Variants in NUTM2E observed in about 807,000 individuals in gnomAD.
NUTM2E encodes the protein NUT family member 2E.
Under a neutral mutation model 26.1 loss-of-function variants are expected in NUTM2E, and 3 were observed. That is an observed-to-expected ratio of 0.12 (90% confidence interval 0.05 to 0.30). The LOEUF (loss-of-function observed/expected upper bound fraction) is 0.30. NUTM2E is among the 10% of genes least tolerant of loss of function. The pLI is 1.00. For missense variants in NUTM2E, 62 were observed against 381.3 expected (o/e 0.16, Z 6.97); for synonymous variants, 13 against 157.5 (o/e 0.08, Z 6.87).
In NUTM2E at chr10:79,830,288, C is replaced by T. The variant is rs187945193; in HGVS notation, c.-2728+2931C>T. Among the ~76,000 whole-genome samples the T allele has an allele frequency of 1.0e-3, 156 of 151,748 alleles. 1 individual carries two copies. Among genetic ancestry groups the T allele is most frequent in the African/African-American group, 3.6e-3 (148 of 41,452 alleles). On this transcript the variant is annotated intron_variant, in intron 1 of 9. Transcript: ENST00000429984. ...AGATTCTATTATGTCAAAAGACATG[C>T]ATCTGGATGGTTAAAAAAATCCAAT...
chr10:79,837,086 G>T (rs1380504083), intron 1 of NUTM2E, among the ~76,000 whole-genome samples: 1 of 151,936 alleles, frequency 6.6e-6, no homozygotes, highest in Non-Finnish European at 1.5e-5. Flanking sequence ...CTTCACTGCT[G>T]CGAGGGAGAT....
chr10:79,834,011 C>T (rs1841944808), intron 1 of NUTM2E, among the ~76,000 whole-genome samples: 1 of 151,884 alleles, frequency 6.6e-6, no homozygotes, highest in Non-Finnish European at 1.5e-5. Flanking sequence ...CACATATACA[C>T]TGTGGAATGC....
intron 1 of NUTM2E, among the ~76,000 whole-genome samples, chr10:79,833,431 C>T (rs1841939215): frequency 6.6e-6 from 1 of 150,678 alleles, no homozygotes; most frequent in African/African-American, 2.4e-5. Context: ...AGGCAACCTA[C>T]AGAACGGGAA....
At chr10:79,834,806 CAG>C (rs1180265523) in intron 1 of NUTM2E, among the ~76,000 whole-genome samples, 1 of 120,284 alleles carries the variant, frequency 8.3e-6, no homozygotes, top group African/African-American at 3.0e-5. Flanking sequence ...GTTTTTATGA[CAG>C]AATACCTACA....
At chr10:79,831,693 G>T (rs1024687363) in intron 1 of NUTM2E, among the ~76,000 whole-genome samples, 4 of 151,802 alleles carry the variant, frequency 2.6e-5, no homozygotes, top group African/African-American at 9.7e-5. Context: ...TTATGGACAT[G>T]CTGGGGATAC....
chr10:79,831,033 TAG>T (rs1469241193), intron 1 of NUTM2E, among the ~76,000 whole-genome samples: 6 of 151,960 alleles, frequency 3.9e-5, no homozygotes, highest in African/African-American at 1.2e-4. Flanking sequence ...TCTTTTGACC[TAG>T]AGTTTTTTAT....
At chr10:79,834,016 G>A (rs1841944880) in intron 1 of NUTM2E, among the ~76,000 whole-genome samples, 3 of 151,848 alleles carry the variant, frequency 2.0e-5, no homozygotes, top group Non-Finnish European at 4.4e-5. Context: ...ATACACTGTG[G>A]AATGCTATGC....
At chr10:79,837,863 C>G (rs1327131514) in intron 1 of NUTM2E, among the ~76,000 whole-genome samples, 6 of 151,830 alleles carry the variant, frequency 4.0e-5, no homozygotes, top group Admixed American at 3.9e-4. Context: ...CTACTCACAG[C>G]CTTCAAGGAG....
intron 1 of NUTM2E, among the ~76,000 whole-genome samples, chr10:79,828,226 C>T (rs996314262): frequency 1.3e-5 from 2 of 151,822 alleles, no homozygotes; most frequent in African/African-American, 4.8e-5. Context: ...TGGATTTATT[C>T]ATTTTCAGAT....
intron 1 of NUTM2E, among the ~76,000 whole-genome samples, chr10:79,828,364 T>G (rs1841903238): frequency 6.6e-6 from 1 of 151,972 alleles, no homozygotes; most frequent in East Asian, 1.9e-4. Context: ...ACTGAAAGTC[T>G]TCTCTCTACG....
intron 1 of NUTM2E, among the ~76,000 whole-genome samples, chr10:79,828,993 A>G (rs1841909483): frequency 6.6e-6 from 1 of 151,840 alleles, no homozygotes; most frequent in African/African-American, 2.4e-5. Flanking sequence ...ACCTGAATAA[A>G]TATTTATAAT....
At chr10:79,828,812 T>G (rs1202985132) in intron 1 of NUTM2E, among the ~76,000 whole-genome samples, 1 of 151,838 alleles carries the variant, frequency 6.6e-6, no homozygotes, top group Non-Finnish European at 1.5e-5. Context: ...TTCATAGGCT[T>G]GCTGTAATAA....
In NUTM2E at chr10:79,838,996, G is replaced by T. The variant is rs918732798; in HGVS notation, c.-2233G>T. Among the ~76,000 whole-genome samples, 4 of 149,414 alleles carry T rather than the reference G, an allele frequency of 2.7e-5. No individual in the cohort carries two copies. Among genetic ancestry groups the T allele is most frequent in the African/African-American group, 7.4e-5 (3 of 40,446 alleles). On this transcript the variant is annotated 5_prime_UTR_variant, in exon 3 of 10. Transcript: ENST00000429984. ...CTAGGAGGGCCCCGCTGGAGATGTG[G>T]AAATGGAGGGACGCGGCACCTGGGT...
Position 79,828,287 on chromosome 10 carries a change from T to A in NUTM2E, c.-2728+930T>A, listed in dbSNP as rs1329603148. ...TTCTAAAACCGCATGGGATTACTTA[T>A]AACTGTATAGGAGCCTAACACGATA... On this transcript the variant is annotated intron_variant, in intron 1 of 9. Coordinates refer to ENST00000429984, the MANE Select transcript of NUTM2E (RefSeq NM_001355263.2). Among the ~76,000 whole-genome samples the A allele has an allele frequency of 2.6e-5, 4 of 151,954 alleles. 1 individual carries two copies.
chr10:79,827,795 G>GTTTTTTTTTTT (rs57414762), intron 1 of NUTM2E, among the ~76,000 whole-genome samples: 31 of 127,718 alleles, frequency 2.4e-4, no homozygotes, highest in South Asian at 4.9e-4. Context: ...TTTTTTTTTT[G>GTTTTTTTTTTT]TTTTTTTTTT....
At chr10:79,835,272 G>A (rs2475687) in intron 1 of NUTM2E, among the ~76,000 whole-genome samples, 1 of 150,528 alleles carries the variant, frequency 6.6e-6, no homozygotes, top group Non-Finnish European at 1.5e-5. Flanking sequence ...TAAATAATCC[G>A]GACTCTAGTC....
In NUTM2E at chr10:79,826,863, TC is replaced by T. The variant is rs1296477199; in HGVS notation, c.-3219del. 6.6e-6 allele frequency: 1 copy of T among 151,288 alleles called. No homozygotes were observed. Among genetic ancestry groups the T allele is most frequent in the East Asian group, 2.0e-4 (1 of 5,096 alleles). 9.4% of individuals were successfully genotyped at this position (151,288 alleles called of 1,614,324 possible). A position where few individuals can be genotyped will look rare whatever the true frequency, so the allele number is the denominator to read the frequency against. Reference sequence around the variant, plus strand: ...TCGCAGAGCCCGTCGGGAGTCGTAGTCCCGGACGGGCCCGCGGCATCGTCCG... The same window carrying T: ...TCGCAGAGCCCGTCGGGAGTCGTAGTCCGGACGGGCCCGCGGCATCGTCCG... On this transcript the variant is annotated 5_prime_UTR_variant, in exon 1 of 10. Coordinates refer to ENST00000429984, the MANE Select transcript of NUTM2E (RefSeq NM_001355263.2).
intron 1 of NUTM2E, among the ~76,000 whole-genome samples, chr10:79,836,911 C>G (rs150917252): frequency 0.094 from 14,188 of 151,574 alleles, 793 homozygotes; most frequent in South Asian, 0.21. Context: ...TTACCCTTAT[C>G]TATACTCTCC....
chr10:79,827,810 T>G (rs1378007389), intron 1 of NUTM2E, among the ~76,000 whole-genome samples: 16 of 127,660 alleles, frequency 1.3e-4, no homozygotes, highest in Non-Finnish European at 2.2e-4. Context: ...TTTTTTTTTG[T>G]TTTTTTTTGT....
Sources: allele counts gnomAD v4.1 joint callset (sites outside exome capture counted in the v4.1 genomes callset), GRCh38; gene constraint gnomAD v4.1.1; transcripts MANE v1.5; gene names NCBI Gene and HGNC (gene_info 2026-07-23, HGNC 2026-07-21).